Variants in ABTB3 observed in about 807,000 individuals in gnomAD.
The protein encoded by ABTB3 is ankyrin repeat- and BTB/POZ domain-containing protein 3.
the ABTB3 span, among the ~76,000 whole-genome samples, chr12:107,323,866 T>TA: frequency 3.9e-5 from 6 of 152,188 alleles, no homozygotes; most frequent in Non-Finnish European, 5.9e-5. Context: ...TACTGCTTGT[T>TA]AAACGAATAT....
the ABTB3 span, chr12:107,580,839 G>T: frequency 6.5e-7 from 1 of 1,539,716 alleles, no homozygotes; most frequent in South Asian, 1.2e-5. Flanking sequence ...CATGATCGCC[G>T]AGAGGGATAA....
At chr12:107,495,638 C>T in the ABTB3 span, among the ~76,000 whole-genome samples, 2 of 152,348 alleles carry the variant, frequency 1.3e-5, no homozygotes, top group East Asian at 3.9e-4. Context: ...GGCCTGCCCT[C>T]CATGAATACC....
At chr12:107,649,268 C>G in the ABTB3 span, 1 of 1,612,910 alleles carries the variant, frequency 6.2e-7, no homozygotes, top group Non-Finnish European at 8.5e-7. Flanking sequence ...ACAATGAGAT[C>G]ATGGAGGTAA....
At chr12:107,581,301 T>C in the ABTB3 span, 1 of 1,395,634 alleles carries the variant, frequency 7.2e-7, no homozygotes, top group Non-Finnish European at 9.2e-7. Flanking sequence ...CCGCGCCAGC[T>C]CAGGTAGGCG....
At chr12:107,382,319 C>T in the ABTB3 span, among the ~76,000 whole-genome samples, 32 of 152,224 alleles carry the variant, frequency 2.1e-4, no homozygotes, top group East Asian at 3.9e-3. Flanking sequence ...ACCTGGCACA[C>T]AGGGCTTGTC....
chr12:107,360,370 T>C, the ABTB3 span, among the ~76,000 whole-genome samples: 4 of 152,164 alleles, frequency 2.6e-5, no homozygotes, highest in African/African-American at 9.7e-5. Flanking sequence ...TTTTGCTGGA[T>C]TGGAGCCCAG....
the ABTB3 span, among the ~76,000 whole-genome samples, chr12:107,543,006 AAG>A: frequency 2.0e-5 from 3 of 152,146 alleles, no homozygotes; most frequent in African/African-American, 7.2e-5. Context: ...TGCATTGTTC[AAG>A]GGTGAACTGT....
At chr12:107,340,001 T>A in the ABTB3 span, among the ~76,000 whole-genome samples, 6 of 152,200 alleles carry the variant, frequency 3.9e-5, no homozygotes, top group African/African-American at 1.4e-4. Context: ...GGGCTCTGAT[T>A]TATCTGCTAT....
chr12:107,592,719 A>C, the ABTB3 span, among the ~76,000 whole-genome samples: 9 of 152,248 alleles, frequency 5.9e-5, no homozygotes, highest in Admixed American at 5.9e-4. Context: ...ATGTAGTAAA[A>C]AGAATAAAGC....
At chr12:107,547,254 A>G in the ABTB3 span, among the ~76,000 whole-genome samples, 2 of 152,112 alleles carry the variant, frequency 1.3e-5, no homozygotes, top group African/African-American at 4.8e-5. Flanking sequence ...AGGAAGAGGA[A>G]GAAGAAGAAC....
chr12:107,370,849 C>A, the ABTB3 span, among the ~76,000 whole-genome samples: 1 of 142,170 alleles, frequency 7.0e-6, no homozygotes, highest in Non-Finnish European at 1.5e-5. Context: ...CTTTGCTGAG[C>A]CTTGAAGGGC....
At chr12:107,503,113 G>A in the ABTB3 span, among the ~76,000 whole-genome samples, 1 of 152,186 alleles carries the variant, frequency 6.6e-6, no homozygotes, top group African/African-American at 2.4e-5. Context: ...CCATGGGCAA[G>A]AGCCTTTATT....
chr12:107,428,937 G>A, the ABTB3 span, among the ~76,000 whole-genome samples: 1 of 152,190 alleles, frequency 6.6e-6, no homozygotes, highest in Non-Finnish European at 1.5e-5. Flanking sequence ...CGAGAGAGGC[G>A]ATGAGGTTTG....
At chr12:107,460,692 TC>T in the ABTB3 span, among the ~76,000 whole-genome samples, 1 of 152,086 alleles carries the variant, frequency 6.6e-6, no homozygotes, top group South Asian at 2.1e-4. Flanking sequence ...ACTCTAGCTC[TC>T]CCTCAGAGGG....
the ABTB3 span, among the ~76,000 whole-genome samples, chr12:107,492,434 G>A: frequency 3.3e-5 from 5 of 152,232 alleles, no homozygotes; most frequent in South Asian, 2.1e-4. Flanking sequence ...AAGACCCCTC[G>A]GGAAGGCAGA....
At chr12:107,626,995 T>TAAAATAAAAATTAAAATA in the ABTB3 span, among the ~76,000 whole-genome samples, 43 of 152,022 alleles carry the variant, frequency 2.8e-4, no homozygotes, top group African/African-American at 9.9e-4. Flanking sequence ...AAATAAAAAT[T>TAAAATAAAAATTAAAATA]AAAATTAAAA....
chr12:107,617,836 C>T, the ABTB3 span: 1 of 389,608 alleles, frequency 2.6e-6, no homozygotes, highest in Non-Finnish European at 4.6e-6. Context: ...TTTTATTACA[C>T]ATAACCCCAA....
chr12:107,579,593 G>T, the ABTB3 span, among the ~76,000 whole-genome samples: 1 of 152,282 alleles, frequency 6.6e-6, no homozygotes, highest in African/African-American at 2.4e-5. Context: ...AGGAAAACTG[G>T]CACCTGCCAC....
chr12:107,548,682 T>A, the ABTB3 span, among the ~76,000 whole-genome samples: 1,062 of 152,304 alleles, frequency 7.0e-3, 16 homozygotes, highest in African/African-American at 0.023. Flanking sequence ...TTTATAATAT[T>A]TACGATTAGG....
Sources: gnomAD v4.1 joint callset for allele counts (sites outside exome capture counted in the v4.1 genomes callset) on GRCh38, gnomAD v4.1.1 for gene constraint, MANE v1.5 for transcripts, NCBI Gene and HGNC (gene_info 2026-07-23, HGNC 2026-07-21) for gene names.